ZC3H13: variants seen among roughly 807,000 people sequenced by gnomAD.
ZC3H13 encodes zinc finger CCCH domain-containing protein 13.
ZC3H13 carries 64 observed loss-of-function variants against 204.1 expected under a neutral mutation model. That is an observed-to-expected ratio of 0.31 (90% confidence interval 0.26 to 0.39). The LOEUF (loss-of-function observed/expected upper bound fraction) is 0.39, where lower values mean the gene tolerates loss of function less well. Ranked by LOEUF, ZC3H13 falls within the 10% of genes least tolerant of loss-of-function variation. ZC3H13 has a pLI of 1.00. For synonymous variants in ZC3H13, 667 were observed against 693.7 expected, an observed-to-expected ratio of 0.96 and a Z score of 0.60; for missense variants, 1,833 against 2,082.7, an observed-to-expected ratio of 0.88 and a Z score of 2.33.
intron 4 of ZC3H13, among the ~76,000 whole-genome samples, chr13:46,025,533 C>T (rs141641183): frequency 1.6e-4 from 24 of 152,250 alleles, no homozygotes; most frequent in African/African-American, 5.5e-4. Flanking sequence ...TGGTCTTGAA[C>T]TCTTGGACTC....
At chr13:46,006,457 A>C (rs1026622079) in intron 7 of ZC3H13, among the ~76,000 whole-genome samples, 6 of 151,842 alleles carry the variant, frequency 4.0e-5, no homozygotes, top group African/African-American at 1.5e-4. Flanking sequence ...AAATTGCACT[A>C]AACTTATAAA....
At chr13:45,965,901 T>C (rs1341749753) in intron 15 of ZC3H13, among the ~76,000 whole-genome samples, 1 of 152,198 alleles carries the variant, frequency 6.6e-6, no homozygotes, top group Admixed American at 6.5e-5. Context: ...GTTCATATTA[T>C]TTAGCTCATT....
intron 12 of ZC3H13, among the ~76,000 whole-genome samples, chr13:45,972,531 G>T (rs1593486056): frequency 1.3e-5 from 2 of 152,166 alleles, no homozygotes; most frequent in African/African-American, 4.8e-5. Flanking sequence ...TAAAATCTCT[G>T]AATTCATCCA....
intron 9 of ZC3H13, among the ~76,000 whole-genome samples, chr13:45,987,758 C>T (rs2039651800): frequency 6.6e-6 from 1 of 152,128 alleles, no homozygotes; most frequent in Non-Finnish European, 1.5e-5. Context: ...AATGTTGTTC[C>T]AAGTAAGCAT....
Position 45,969,531 on chromosome 13 carries a change from T to G in ZC3H13, c.3013A>C (p.Lys1005Gln), listed in dbSNP as rs201268800. Residue 1005 changes from lysine (K) to glutamine (Q), a missense_variant, in exon 14 of 19, where the codon AAA becomes CAA. By Grantham distance (53) the Lys-to-Gln change is moderately conservative. This residue lies in a region of ZC3H13 where 1,574 missense variants were observed against 1,757.2 expected (regional missense o/e 0.90). Coordinates refer to ENST00000679008, the MANE Select transcript of ZC3H13 (RefSeq NM_001330564.2). ...KKGQKKKSIE[K>Q]KRKKSKGDSD... is the part of the protein sequence containing the mutation. ...TCACCTTTGGATTTTTTACGTTTTT[T>G]TTCAATGCTTTTCTTTTTCTGTCCT... 2.6e-5 allele frequency: 41 copies of G among 1,604,172 alleles called. No homozygotes were observed. Among genetic ancestry groups the G allele is most frequent in the Middle Eastern group, 1.7e-4 (1 of 5,984 alleles).
At chr13:46,009,046 T>A (rs1252887565) in intron 7 of ZC3H13, among the ~76,000 whole-genome samples, 1 of 152,138 alleles carries the variant, frequency 6.6e-6, no homozygotes, top group Non-Finnish European at 1.5e-5. Context: ...AAGTCACAGC[T>A]GAAATATAAT....
At chr13:45,972,492 A>C (rs1039329082) in intron 12 of ZC3H13, among the ~76,000 whole-genome samples, 1 of 152,194 alleles carries the variant, frequency 6.6e-6, no homozygotes. Context: ...TGTTTGGTAC[A>C]ATGTGGACTA....
At chr13:46,036,929 G>C (rs796795787) in intron 4 of ZC3H13, among the ~76,000 whole-genome samples, 2 of 152,012 alleles carry the variant, frequency 1.3e-5, no homozygotes, top group South Asian at 4.1e-4. Context: ...ATGTTGGCCA[G>C]TCTGGTCTCA....
intron 7 of ZC3H13, among the ~76,000 whole-genome samples, chr13:46,006,594 C>T (rs956072685): frequency 2.0e-5 from 3 of 150,144 alleles, no homozygotes; most frequent in Non-Finnish European, 3.0e-5. Flanking sequence ...TGAGTTTTCA[C>T]TATCTACTAA....
intron 11 of ZC3H13, among the ~76,000 whole-genome samples, chr13:45,978,739 A>G (rs1012239663): frequency 6.6e-6 from 1 of 152,048 alleles, no homozygotes; most frequent in Non-Finnish European, 1.5e-5. Flanking sequence ...GAAAAAAAGG[A>G]AAAAAGAAAT....
In ZC3H13 at chr13:46,045,062, T is replaced by C. The variant is rs1282801337; in HGVS notation, c.120A>G (p.Thr40=). The change falls in exon 3 of 19, where the codon ACA becomes ACG. Residue 40 remains threonine, a splice_region_variant and synonymous_variant. Transcript: ENST00000679008. ...CAGTCTTCAGCCAGTTACGGCACTG[T>C]GTCTAAGAGACAGATATTACTATGT... ...LGPSTGSTAE[T]QCRNWLKTGN... is the part of the protein sequence containing the mutation. The C allele has an allele frequency of 6.2e-7, 1 of 1,606,094 alleles. No individual in the cohort carries two copies. Among genetic ancestry groups the C allele is most frequent in the South Asian group, 1.1e-5 (1 of 89,188 alleles).
At position 45,955,078 on chromosome 13, in the gene ZC3H13, T is replaced by C. The variant is rs936306144; in HGVS notation, c.*2049A>G. ...CAGCAGCTGGAATCCAGTTGTGCAATTATGGCAACTGGACAGACCTGAGCC... is the reference window on the plus strand; with the variant it reads ...CAGCAGCTGGAATCCAGTTGTGCAACTATGGCAACTGGACAGACCTGAGCC... On this transcript the variant is annotated 3_prime_UTR_variant, in exon 19 of 19. Transcript: ENST00000679008. 5 of 152,162 alleles carry C rather than the reference T, an allele frequency of 3.3e-5. No homozygotes were observed. Among genetic ancestry groups the C allele is most frequent in the African/African-American group, 1.2e-4 (5 of 41,432 alleles). 9.4% of individuals were successfully genotyped at this position (152,162 alleles called of 1,614,324 possible). A position where few individuals can be genotyped will look rare whatever the true frequency, so the allele number is the denominator to read the frequency against.
At chr13:46,019,260 T>C (rs2138792895) in intron 5 of ZC3H13, among the ~76,000 whole-genome samples, 1 of 152,194 alleles carries the variant, frequency 6.6e-6, no homozygotes, top group East Asian at 1.9e-4. Context: ...TTCTCAGTTC[T>C]CTGTCATAAA....
intron 5 of ZC3H13, among the ~76,000 whole-genome samples, 159 bp downstream of exon 5, chr13:46,020,290 T>C (rs1399075053): frequency 2.0e-5 from 3 of 152,162 alleles, no homozygotes; most frequent in African/African-American, 7.2e-5. Flanking sequence ...AGCTACTATA[T>C]GCCAGTTTTT....
intron 5 of ZC3H13, among the ~76,000 whole-genome samples, chr13:46,014,557 A>C (rs1487903562): frequency 6.6e-6 from 1 of 152,214 alleles, no homozygotes; most frequent in Non-Finnish European, 1.5e-5. Context: ...AGTATCATTT[A>C]TGTGTATCAG....
intron 7 of ZC3H13, among the ~76,000 whole-genome samples, chr13:46,008,319 C>CAA (rs5803322): frequency 6.9e-6 from 1 of 143,970 alleles, no homozygotes; most frequent in African/African-American, 2.5e-5. Context: ...TGTTATACTC[C>CAA]AAAAAAAAAA....
intron 11 of ZC3H13, among the ~76,000 whole-genome samples, chr13:45,977,183 C>A (rs1009476645): frequency 6.6e-6 from 1 of 152,116 alleles, no homozygotes; most frequent in Non-Finnish European, 1.5e-5. Context: ...CTGAAACCAA[C>A]TTAAAGTGGT....
At chr13:46,021,691 A>T (rs1336793334) in intron 4 of ZC3H13, among the ~76,000 whole-genome samples, 1 of 151,988 alleles carries the variant, frequency 6.6e-6, no homozygotes, top group African/African-American at 2.4e-5. Flanking sequence ...AATAATTTGT[A>T]AGTTATATGA....
chr13:46,046,975 CAA>C (rs1378533548), intron 1 of ZC3H13, among the ~76,000 whole-genome samples: 4 of 152,132 alleles, frequency 2.6e-5, no homozygotes, highest in African/African-American at 9.7e-5. Flanking sequence ...TATCAATCAT[CAA>C]AAGTTACTAG....
Sources: allele counts gnomAD v4.1 joint callset (sites outside exome capture counted in the v4.1 genomes callset), GRCh38; gene constraint gnomAD v4.1.1; regional missense constraint gnomAD v4.1.1; transcripts MANE v1.5; gene names NCBI Gene and HGNC (gene_info 2026-07-23, HGNC 2026-07-21).